VGLL4: variants seen among roughly 807,000 people sequenced by gnomAD.
The protein encoded by VGLL4 is transcription cofactor vestigial-like protein 4.
In VGLL4, 7 loss-of-function variants were observed where a neutral mutation model predicts 21.0. The ratio of observed to expected loss-of-function variants is 0.33; its 90% CI spans 0.19 to 0.63. VGLL4 has a LOEUF of 0.63. Ranked by LOEUF, VGLL4 falls within the 20% of genes least tolerant of loss-of-function variation. The probability of loss-of-function intolerance (pLI) is 0.78; values close to 1 mark genes in which losing one functional copy is unlikely to be tolerated. For missense variants in VGLL4, 394 were observed against 425.7 expected, an observed-to-expected ratio of 0.93 and a Z score of 0.66; for synonymous variants, 222 against 173.2, an observed-to-expected ratio of 1.28 and a Z score of -2.21.
Position 11,687,312 on chromosome 3 carries a change from T to C in VGLL4, c.64+15659A>G, listed in dbSNP as rs557014585. Among the ~76,000 whole-genome samples the C allele has an allele frequency of 2.0e-5, 3 of 152,346 alleles. No homozygotes were observed. The South Asian group carries it at 6.2e-4, about 32-fold the overall frequency. ...ACATCTTTGACTGAATTTTCCTATG[T>C]AGAAATATAGTATTTCCTTTTATTC... On this transcript the variant is annotated intron_variant, in intron 2 of 5. Transcript: ENST00000273038.
chr3:11,571,824 T>A (rs1380098552), intron 2 of VGLL4, among the ~76,000 whole-genome samples: 1 of 151,684 alleles, frequency 6.6e-6, no homozygotes, highest in Non-Finnish European at 1.5e-5. Flanking sequence ...AGAAGCCTAT[T>A]GGCCGGGCAC....
intron 2 of VGLL4, among the ~76,000 whole-genome samples, chr3:11,567,587 T>C (rs2073595695): frequency 1.3e-5 from 2 of 152,228 alleles, no homozygotes; most frequent in Non-Finnish European, 2.9e-5. Flanking sequence ...AGCCTGTCCA[T>C]AATGTCATCT....
chr3:11,586,503 T>C (rs886402581), intron 2 of VGLL4, among the ~76,000 whole-genome samples: 1 of 152,184 alleles, frequency 6.6e-6, no homozygotes, highest in African/African-American at 2.4e-5. Flanking sequence ...GGATGGAAAA[T>C]GGAGTCAGGC....
At chr3:11,561,993 G>A (rs767508568) in intron 3 of VGLL4, among the ~76,000 whole-genome samples, 3 of 149,170 alleles carry the variant, frequency 2.0e-5, no homozygotes, top group Non-Finnish European at 4.4e-5. Context: ...TCCGCCTTCC[G>A]GGTTCAAGCG....
Position 11,672,751 on chromosome 3 carries a change from G to A in VGLL4, c.64+30220C>T, listed in dbSNP as rs535740413. On this transcript the variant is annotated intron_variant, in intron 2 of 5. Coordinates refer to the VGLL4 transcript ENST00000273038. ...CTACAATGCAAATTTATAATGCTACGGAAAAGATTATCCTGGCTTCTTCAC... is the reference window on the plus strand; with the variant it reads ...CTACAATGCAAATTTATAATGCTACAGAAAAGATTATCCTGGCTTCTTCAC... Among the ~76,000 whole-genome samples, 14 of 152,274 alleles carry A rather than the reference G, an allele frequency of 9.2e-5. No individual in the cohort carries two copies. The South Asian group carries it at 1.9e-3, about 20-fold the overall frequency.
intron 2 of VGLL4, among the ~76,000 whole-genome samples, chr3:11,690,930 C>G (rs1340335699): frequency 6.6e-6 from 1 of 151,956 alleles, no homozygotes; most frequent in African/African-American, 2.4e-5. Flanking sequence ...AAATGTATAA[C>G]ATAAATATTT....
chr3:11,558,475 A>ATTTTT lies in VGLL4; in HGVS notation c.*76_*80dup. On this transcript the variant is annotated 3_prime_UTR_variant, in exon 5 of 5. Coordinates refer to ENST00000430365, the MANE Select transcript of VGLL4 (RefSeq NM_001128219.3). ...CCCTTCCCCCCACCCCACCCCCATG[A>ATTTTT]TTTTTTTTTTTTTAAGTACTGACTG... 1 of 789,786 alleles carries ATTTTT rather than the reference A, an allele frequency of 1.3e-6. No homozygotes were observed. Among genetic ancestry groups the ATTTTT allele is most frequent in the Non-Finnish European group, 1.8e-6 (1 of 563,910 alleles). 48.9% of individuals were successfully genotyped at this position (789,786 alleles called of 1,614,324 possible).
At chr3:11,665,095 A>ATT (rs1559932541) in intron 2 of VGLL4, among the ~76,000 whole-genome samples, 2 of 78,406 alleles carry the variant, frequency 2.6e-5, no homozygotes, top group Non-Finnish European at 2.7e-5. Flanking sequence ...CAATTTGAAT[A>ATT]TTTTTCTTTT....
chr3:11,592,466 G>T (rs59482217), intron 2 of VGLL4, among the ~76,000 whole-genome samples: 1 of 152,166 alleles, frequency 6.6e-6, no homozygotes, highest in African/African-American at 2.4e-5. Flanking sequence ...GGAGTGTGCC[G>T]AACTACTAAC....
At chr3:11,630,714 A>G (rs1010634733) in intron 1 of VGLL4, among the ~76,000 whole-genome samples, 2 of 152,240 alleles carry the variant, frequency 1.3e-5, no homozygotes, top group African/African-American at 4.8e-5. Flanking sequence ...TGCTGGTAGA[A>G]GAGTAAGATG....
intron 3 of VGLL4, among the ~76,000 whole-genome samples, chr3:11,563,600 C>T (rs113863901): frequency 2.6e-5 from 4 of 152,266 alleles, no homozygotes; most frequent in African/African-American, 7.2e-5. Context: ...GGTGAGCGCT[C>T]GTAAAACGTT....
At chr3:11,595,268 A>T (rs2074608394) in intron 2 of VGLL4, among the ~76,000 whole-genome samples, 1 of 152,196 alleles carries the variant, frequency 6.6e-6, no homozygotes, top group African/African-American at 2.4e-5. Flanking sequence ...GAGAAATGCA[A>T]ATCAAAACCA....
At chr3:11,683,037 G>A (rs2076398327) in intron 2 of VGLL4, among the ~76,000 whole-genome samples, 1 of 152,052 alleles carries the variant, frequency 6.6e-6, no homozygotes, top group Admixed American at 6.6e-5. Context: ...AGACCAAATG[G>A]CCAACATGGT....
At chr3:11,688,844 C>A (rs1470825304) in intron 2 of VGLL4, among the ~76,000 whole-genome samples, 1 of 152,080 alleles carries the variant, frequency 6.6e-6, no homozygotes, top group African/African-American at 2.4e-5. Flanking sequence ...CATGGTGAAA[C>A]CCCGTCTCTA....
At chr3:11,666,847 G>C (rs1222419740) in intron 2 of VGLL4, among the ~76,000 whole-genome samples, 2 of 152,152 alleles carry the variant, frequency 1.3e-5, no homozygotes, top group Non-Finnish European at 2.9e-5. Context: ...TACAAAACAT[G>C]AATGCTACAA....
In VGLL4 at chr3:11,558,590, A is replaced by C. The variant is rs748002932; in HGVS notation, c.857T>G (p.Val286Gly). 3.7e-6 allele frequency: 6 copies of C among 1,604,340 alleles called. No individual in the cohort carries two copies. The South Asian group carries it at 6.6e-5, about 18-fold the overall frequency. The change falls in exon 5 of 5, where the codon GTC (valine) becomes GGC (glycine). Residue 286 changes from valine to glycine, a missense_variant. Transcript: ENST00000430365. ...GQPASPSAHM[V>G]SHSHSPSVVS The stretch of plus-strand genomic sequence containing the variant: ...CACAGAGGGGGAGTGACTGTGGCTG[A>C]CCATGTGGGCAGAGGGGCTGGCGGG...
In VGLL4 at chr3:11,565,222, G is replaced by C. The variant is rs2073415683; in HGVS notation, c.273-203C>G. On this transcript the variant is annotated intron_variant, in intron 2 of 4. Transcript: ENST00000430365. This position sits in a 1 kb window ranked among gnomAD's most constrained non-coding sequence, Gnocchi z 4.1. ...CTGGGTGCCGGAGAAGCTGCTGCCA[G>C]CGGAGTCCAAAGTCAGCTCCATAGA... Among the ~76,000 whole-genome samples the C allele has an allele frequency of 6.6e-6, 1 of 152,144 alleles. No homozygotes were observed. The highest frequency in any genetic ancestry group is 2.1e-4 in the South Asian group (1 of 4,828).
chr3:11,689,896 G>A (rs919442047), intron 2 of VGLL4, among the ~76,000 whole-genome samples: 2 of 152,202 alleles, frequency 1.3e-5, no homozygotes, highest in Admixed American at 6.5e-5. Context: ...CAGTGGCGAA[G>A]GACGTTCACA....
chr3:11,684,135 T>C (rs2076412838), intron 2 of VGLL4, among the ~76,000 whole-genome samples: 1 of 151,724 alleles, frequency 6.6e-6, no homozygotes, highest in South Asian at 2.1e-4. Context: ...TGCTTAAACC[T>C]AGGAGGTGGA....
Sources: gnomAD v4.1 joint callset for allele counts (sites outside exome capture counted in the v4.1 genomes callset) on GRCh38, gnomAD v4.1.1 for gene constraint, Gnocchi (gnomAD v3.1) non-coding constraint, MANE v1.5 for transcripts, NCBI Gene and HGNC (gene_info 2026-07-23, HGNC 2026-07-21) for gene names.